NUP155: variants seen among roughly 807,000 people sequenced by gnomAD.
The protein encoded by NUP155 is nuclear pore complex protein Nup155.
In NUP155, 71 loss-of-function variants were observed where a neutral mutation model predicts 180.4. The observed-to-expected ratio is 0.39, with a 90% confidence interval of 0.33 to 0.48. The LOEUF (loss-of-function observed/expected upper bound fraction) is 0.48. NUP155 is among the 20% of genes least tolerant of loss of function. The probability of loss-of-function intolerance (pLI) is 0.91; values close to 1 mark genes in which losing one functional copy is unlikely to be tolerated. For synonymous variants in NUP155, 582 were observed against 559.5 expected, an observed-to-expected ratio of 1.04 and a Z score of -0.57; for missense variants, 1,553 against 1,648.9, an observed-to-expected ratio of 0.94 and a Z score of 1.01.
intron 24 of NUP155, among the ~76,000 whole-genome samples, chr5:37,308,762 A>G (rs1743330230): frequency 6.6e-6 from 1 of 151,158 alleles, no homozygotes; most frequent in African/African-American, 2.4e-5. Context: ...CGCCTGTAAT[A>G]CCAGCTACCC....
Position 37,363,869 on chromosome 5 carries a change from AC to A in NUP155, c.392+18del. The A allele has an allele frequency of 6.5e-7, 1 of 1,527,898 alleles. No homozygotes were observed. Among genetic ancestry groups the A allele is most frequent in the Non-Finnish European group, 9.1e-7 (1 of 1,101,352 alleles). 94.6% of individuals were successfully genotyped at this position (1,527,898 alleles called of 1,614,324 possible). On this transcript the variant is annotated intron_variant, in intron 3 of 34. Transcript: ENST00000231498. ...TAAATTCCAATCACCCTTAAAGCAA[AC>A]CAGCCTTAAATACATACCCATCCTC... is the stretch of plus-strand genomic sequence containing the variant.
chr5:37,350,803 G>T (rs1445530958), intron 6 of NUP155, among the ~76,000 whole-genome samples: 1 of 137,022 alleles, frequency 7.3e-6, no homozygotes, highest in Non-Finnish European at 1.5e-5. Flanking sequence ...GTGATACAGT[G>T]AGACTCCATC....
chr5:37,349,152 A>G lies in NUP155; in HGVS notation c.903+20T>C. 1 of 567,512 alleles carries G rather than the reference A, an allele frequency of 1.8e-6. No individual in the cohort carries two copies. The highest frequency in any genetic ancestry group is 3.0e-6 in the Non-Finnish European group (1 of 334,628). The allele number at this position is 567,512 out of a possible 1,614,324, so 35.2% of individuals were successfully genotyped here. A position where few individuals can be genotyped will look rare whatever the true frequency, so the allele number is the denominator to read the frequency against. Reference sequence around the variant, plus strand: ...AAGGATTTATTTGACTCTTAATGGTATAATAATATTAATACTAACCTGTAT... The same window carrying G: ...AAGGATTTATTTGACTCTTAATGGTGTAATAATATTAATACTAACCTGTAT... On this transcript the variant is annotated intron_variant, in intron 8 of 34. Coordinates refer to ENST00000231498, the MANE Select transcript of NUP155 (RefSeq NM_153485.3).
At chr5:37,294,774 T>C (rs1037596335) in intron 32 of NUP155, among the ~76,000 whole-genome samples, 3 of 151,984 alleles carry the variant, frequency 2.0e-5, no homozygotes, top group Admixed American at 6.6e-5. Flanking sequence ...TTTTTTTAAA[T>C]AAAAGTAAGA....
At chr5:37,326,799 A>G (rs1183627453) in intron 18 of NUP155, among the ~76,000 whole-genome samples, 1 of 152,222 alleles carries the variant, frequency 6.6e-6, no homozygotes, top group East Asian at 1.9e-4. Context: ...CTGTAGACAC[A>G]TGTCACTGAG....
At chr5:37,358,216 T>C (rs935053235) in intron 3 of NUP155, 65 bp from the exon 4 acceptor site, 7 of 1,148,854 alleles carry the variant, frequency 6.1e-6, no homozygotes, top group Non-Finnish European at 9.2e-6. Context: ...TGGTGGCTCA[T>C]GTCTTTAATC....
chr5:37,355,023 C>T (rs1581205245), intron 4 of NUP155, among the ~76,000 whole-genome samples: 1 of 151,322 alleles, frequency 6.6e-6, no homozygotes, highest in African/African-American at 2.4e-5. Flanking sequence ...ACCCGGGAGG[C>T]GGAGGTTGCA....
intron 32 of NUP155, among the ~76,000 whole-genome samples, chr5:37,298,564 T>A (rs1471399229): frequency 6.6e-6 from 1 of 152,120 alleles, no homozygotes; most frequent in Admixed American, 6.6e-5. Flanking sequence ...ACATCAACCG[T>A]TTTTCTTTTC....
At chr5:37,333,906 A>G (rs1745143863) in intron 12 of NUP155, among the ~76,000 whole-genome samples, 1 of 151,218 alleles carries the variant, frequency 6.6e-6, no homozygotes, top group Admixed American at 6.6e-5. Flanking sequence ...GGTTCAAGTG[A>G]TTCTCCTGCC....
rs534697464 is a variant in NUP155, at chr5:37,355,640, G to A, written c.463+2441C>T. ...GTTGCCCAGGCTGGAGTGCAGTGGC[G>A]TGATCTTGGCTCACTGCACGCTCCA... On this transcript the variant is annotated intron_variant, in intron 4 of 34. Transcript: ENST00000231498. 4.6e-5 allele frequency among the ~76,000 whole-genome samples: 7 copies of A among 151,638 alleles called. No individual in the cohort carries two copies. The East Asian group carries it at 1.2e-3, about 25-fold the overall frequency.
chr5:37,313,500 TGTGTGAGA>T (rs1561776878), intron 22 of NUP155, among the ~76,000 whole-genome samples: 3 of 149,050 alleles, frequency 2.0e-5, no homozygotes, highest in South Asian at 2.1e-4. Context: ...TGTGTGTGTG[TGTGTGAGA>T]GAGACAGAGA....
chr5:37,351,263 G>A lies in NUP155; in HGVS notation c.650C>T (p.Thr217Ile). 6.2e-7 allele frequency: 1 copy of A among 1,613,256 alleles called. No homozygotes were observed. Among genetic ancestry groups the A allele is most frequent in the Non-Finnish European group, 8.5e-7 (1 of 1,179,378 alleles). The change falls in exon 6 of 35, where the codon ACA becomes ATA. Residue 217 changes from threonine (T) to isoleucine (I), a missense_variant. By Grantham distance (89) the Thr-to-Ile change is moderately conservative (BLOSUM62 -1). Coordinates refer to ENST00000231498, the MANE Select transcript of NUP155 (RefSeq NM_153485.3). The part of the protein sequence containing the change: ...SLPTDNTYLL[T>I]ITSTDNGRIF... The stretch of plus-strand genomic sequence containing the variant: ...TCTGCCATTATCAGTGGAAGTTATT[G>A]TTAAAAGGTAAGTATTATCAGTAGG...
In NUP155 at chr5:37,352,741, T is replaced by C; in HGVS notation, c.552A>G (p.Gln184=). 3 of 1,611,024 alleles carry C rather than the reference T, an allele frequency of 1.9e-6. No homozygotes were observed. Among genetic ancestry groups the C allele is most frequent in the Non-Finnish European group, 2.5e-6 (3 of 1,177,314 alleles). The stretch of plus-strand genomic sequence containing the variant: ...TTAACATGTGGGTTGCCATACCTGT[T>C]TGCAAATTAGCATAGCTGAGTCCAA... ...VILGLSYANL[Q]TGSGVLNDSL... is the part of the protein sequence containing the mutation. The change falls in exon 5 of 35, where the codon CAA becomes CAG. Residue 184 remains glutamine (Q), a synonymous_variant. Coordinates refer to ENST00000231498, the MANE Select transcript of NUP155 (RefSeq NM_153485.3).
chr5:37,309,403 C>T, intron 23 of NUP155, 136 bp from the exon 24 acceptor site: 4 of 757,996 alleles, frequency 5.3e-6, no homozygotes, highest in Non-Finnish European at 4.2e-6. Flanking sequence ...TACAAACTTA[C>T]TTCTTAATTT....
chr5:37,300,214 A>C (rs1742792155), intron 30 of NUP155, among the ~76,000 whole-genome samples: 2 of 151,964 alleles, frequency 1.3e-5, no homozygotes, highest in Admixed American at 1.3e-4. Flanking sequence ...AGATGTTCTG[A>C]TACAGTCATG....
chr5:37,352,309 G>T (rs1348986617), intron 5 of NUP155, among the ~76,000 whole-genome samples: 1 of 152,114 alleles, frequency 6.6e-6, no homozygotes, highest in Non-Finnish European at 1.5e-5. Flanking sequence ...ACTGAGCCAA[G>T]ATTGCACCAC....
rs115177074 is a variant in NUP155 at position 37,343,444 on chromosome 5, C to G, written c.996-798G>C. On this transcript the variant is annotated intron_variant, in intron 9 of 34. Transcript: ENST00000231498. ...GAAAGTAATACAAGAGCAGCAAGAACTGGAAAAACTCTGGAATGTGTATTT... is the reference window on the plus strand; with the variant it reads ...GAAAGTAATACAAGAGCAGCAAGAAGTGGAAAAACTCTGGAATGTGTATTT... Among the ~76,000 whole-genome samples the G allele has an allele frequency of 1.0e-3, 155 of 152,096 alleles. 1 individual carries two copies. Among genetic ancestry groups the G allele is most frequent in the African/African-American group, 3.5e-3 (145 of 41,520 alleles).
At chr5:37,355,559 A>ATT (rs767922618) in intron 4 of NUP155, among the ~76,000 whole-genome samples, 10 of 138,328 alleles carry the variant, frequency 7.2e-5, no homozygotes, top group African/African-American at 2.9e-4. Flanking sequence ...ATATATATAT[A>ATT]TATTTATTTA....
intron 9 of NUP155, among the ~76,000 whole-genome samples, chr5:37,346,750 T>C (rs1045095148): frequency 6.6e-6 from 1 of 152,152 alleles, no homozygotes; most frequent in Non-Finnish European, 1.5e-5. Flanking sequence ...GTAATGCAGA[T>C]TGTCTGAAGA....
Sources: gnomAD v4.1 joint callset for allele counts (sites outside exome capture counted in the v4.1 genomes callset) on GRCh38, gnomAD v4.1.1 for gene constraint, MANE v1.5 for transcripts, NCBI Gene and HGNC (gene_info 2026-07-23, HGNC 2026-07-21) for gene names.